The following ZNF710 variants were observed in gnomAD, a reference collection of about 807,000 sequenced individuals.
ZNF710 encodes zinc finger protein 710.
Under a neutral mutation model 50.6 loss-of-function variants are expected in ZNF710, and 13 were observed. That is an observed-to-expected ratio of 0.26 (90% confidence interval 0.17 to 0.41). The LOEUF is 0.41. ZNF710 is among the 10% of genes least tolerant of loss of function. The pLI is 1.00. For synonymous variants in ZNF710, 383 were observed against 397.0 expected, an observed-to-expected ratio of 0.96 and a Z score of 0.42; for missense variants, 721 against 936.6, an observed-to-expected ratio of 0.77 and a Z score of 3.01.
chr15:90,074,029 T>C (rs1246943261), intron 3 of ZNF710, 87 bp from the exon 4 acceptor site: 5 of 1,364,598 alleles, frequency 3.7e-6, no homozygotes, highest in Non-Finnish European at 5.0e-6. Context: ...AATAGGATTC[T>C]GGCCCAGCCA....
At chr15:90,014,610 C>T (rs999152103) in intron 1 of ZNF710, among the ~76,000 whole-genome samples, 1 of 151,024 alleles carries the variant, frequency 6.6e-6, no homozygotes, top group Admixed American at 6.6e-5. Flanking sequence ...AAATAAATTT[C>T]AGTTGGGTTA....
chr15:90,018,393 C>T (rs1233124016), intron 1 of ZNF710, among the ~76,000 whole-genome samples: 2 of 152,104 alleles, frequency 1.3e-5, no homozygotes, highest in Non-Finnish European at 2.9e-5. Context: ...GTCTTGAACT[C>T]CTGACTTCAG....
intron 1 of ZNF710, among the ~76,000 whole-genome samples, chr15:90,033,418 G>C (rs532520008): frequency 6.6e-6 from 1 of 152,174 alleles, no homozygotes; most frequent in Non-Finnish European, 1.5e-5. Context: ...GAGAAGAGTT[G>C]GACAGGCAGA....
In ZNF710 at chr15:90,068,967, C is replaced by A. The variant is rs1221576923; in HGVS notation, c.1458+372C>A. On this transcript the variant is annotated intron_variant, in intron 2 of 4. Transcript: ENST00000268154. This position sits in a 1 kb window ranked among gnomAD's most constrained non-coding sequence, Gnocchi z 5.0. ...ACATGGCTAGGCGTGATGGCTCATG[C>A]CTGTAATCCCAGCACTTTGCGAGGC... Among the ~76,000 whole-genome samples, 3 of 152,054 alleles carry A rather than the reference C, an allele frequency of 2.0e-5. No homozygotes were observed. Among genetic ancestry groups the A allele is most frequent in the Admixed American group, 2.0e-4 (3 of 15,262 alleles).
intron 1 of ZNF710, among the ~76,000 whole-genome samples, chr15:90,038,117 C>T (rs1272665191): frequency 6.6e-6 from 1 of 152,178 alleles, no homozygotes; most frequent in Non-Finnish European, 1.5e-5. Context: ...CAGCCTTGCC[C>T]GATTACCCCA....
At chr15:90,000,353 G>A (rs945681373), upstream of ZNF710, among the ~76,000 whole-genome samples, 26 of 152,224 alleles carry the variant, frequency 1.7e-4, no homozygotes, top group Admixed American at 1.6e-3. Flanking sequence ...CCTGGTGTCC[G>A]GCCTGCGCCG....
chr15:90,024,466 A>C (rs1898713816), intron 1 of ZNF710, among the ~76,000 whole-genome samples: 1 of 152,188 alleles, frequency 6.6e-6, no homozygotes, highest in African/African-American at 2.4e-5. Flanking sequence ...GAGGATTCAG[A>C]TCCATGAGAA....
At chr15:90,039,709 A>G (rs1596282190) in intron 1 of ZNF710, among the ~76,000 whole-genome samples, 1 of 151,814 alleles carries the variant, frequency 6.6e-6, no homozygotes. Context: ...TTCAGCCTGC[A>G]CCCTAGCCAG....
At chr15:90,024,193 G>A (rs1277549772) in intron 1 of ZNF710, among the ~76,000 whole-genome samples, 2 of 152,200 alleles carry the variant, frequency 1.3e-5, no homozygotes, top group East Asian at 1.9e-4. Flanking sequence ...CTCCACTGGG[G>A]CACTGGGCAC....
Position 90,068,692 on chromosome 15 carries a change from C to T in ZNF710, c.1458+97C>T. 1 of 1,351,056 alleles carries T rather than the reference C, an allele frequency of 7.4e-7. No individual in the cohort carries two copies. The highest frequency in any genetic ancestry group is 1.0e-6 in the Non-Finnish European group (1 of 998,516). The allele number at this position is 1,351,056 out of a possible 1,614,324, so 83.7% of individuals were successfully genotyped here. On this transcript the variant is annotated intron_variant, in intron 2 of 4. Transcript: ENST00000268154. The surrounding 1 kb of genome is among the most constrained non-coding windows in gnomAD (Gnocchi z 5.0). ...TCCCAGATGGGACCATTTAGGTGGT[C>T]TCCTAGTTTTATCGTTACGTACTTA...
chr15:90,060,746 C>T lies in ZNF710; in HGVS notation c.-28-6364C>T, dbSNP rs148359333. Among the ~76,000 whole-genome samples, 18 of 152,242 alleles carry T rather than the reference C, an allele frequency of 1.2e-4. No individual in the cohort carries two copies. The East Asian group carries it at 3.5e-3, about 29-fold the overall frequency. ...TGGTGGGCGCCTGTAATCCCAGCTA[C>T]TTTGGAGGCTGAGGCAGGAGAATTG... On this transcript the variant is annotated intron_variant, in intron 1 of 4. Coordinates refer to ENST00000268154, the MANE Select transcript of ZNF710 (RefSeq NM_198526.4).
At chr15:90,076,349 C>T (rs1348246682) in intron 4 of ZNF710, 1 of 152,238 alleles carries the variant, frequency 6.6e-6, no homozygotes, top group African/African-American at 2.4e-5. Flanking sequence ...TGGATCTGCC[C>T]TGTTGCTAAC....
chr15:90,041,282 C>G (rs1899287573), intron 1 of ZNF710, among the ~76,000 whole-genome samples: 2 of 152,152 alleles, frequency 1.3e-5, no homozygotes, highest in South Asian at 4.1e-4. Flanking sequence ...GCTCCAACAT[C>G]TGGGCTCAAG....
chr15:90,072,184 G>A (rs745972950), intron 2 of ZNF710, among the ~76,000 whole-genome samples: 3 of 152,126 alleles, frequency 2.0e-5, no homozygotes, highest in Non-Finnish European at 4.4e-5. Context: ...TCCTGCTCTG[G>A]GAGTGACCTC....
intron 1 of ZNF710, among the ~76,000 whole-genome samples, chr15:90,038,480 G>T (rs1321623675): frequency 6.6e-6 from 1 of 152,190 alleles, no homozygotes; most frequent in African/African-American, 2.4e-5. Context: ...ACGTCAGCAG[G>T]TATCTTTCAG....
chr15:90,045,224 T>C (rs1899422683), intron 1 of ZNF710: 1 of 435,462 alleles, frequency 2.3e-6, no homozygotes, highest in African/African-American at 2.1e-5. Flanking sequence ...AGGAGAATGG[T>C]GTGCTGTCCA....
In ZNF710 at chr15:90,040,695, C is replaced by T. The variant is rs1899270282; in HGVS notation, c.-28-26415C>T. On this transcript the variant is annotated intron_variant, in intron 1 of 4. Transcript: ENST00000268154. This position sits in a 1 kb window ranked among gnomAD's most constrained non-coding sequence, Gnocchi z 4.6. ...GCTTCTAGTGCTAAAGCAGCAGGCC[C>T]CGCCCCACCTCGCTCCCCAACTCCA... 1.3e-5 allele frequency among the ~76,000 whole-genome samples: 2 copies of T among 152,152 alleles called. No individual in the cohort carries two copies. The highest frequency in any genetic ancestry group is 2.4e-5 in the African/African-American group (1 of 41,430).
intron 1 of ZNF710, among the ~76,000 whole-genome samples, chr15:90,057,692 A>ATAATAATAG (rs1555458523): frequency 3.5e-5 from 5 of 141,560 alleles, no homozygotes; most frequent in African/African-American, 1.4e-4. Context: ...GCAAGACTAA[A>ATAATAATAG]TAATAATAAT....
At chr15:90,026,935 G>A (rs561522562) in intron 1 of ZNF710, among the ~76,000 whole-genome samples, 1 of 152,144 alleles carries the variant, frequency 6.6e-6, no homozygotes, top group South Asian at 2.1e-4. Context: ...AAACACTAGA[G>A]GCATTCTTGT....
Sources: allele counts gnomAD v4.1 joint callset (sites outside exome capture counted in the v4.1 genomes callset), GRCh38; gene constraint gnomAD v4.1.1; non-coding constraint Gnocchi (gnomAD v3.1); transcripts MANE v1.5; gene names NCBI Gene and HGNC (gene_info 2026-07-23, HGNC 2026-07-21).